The following HMCN2 variants were observed in gnomAD, a reference collection of about 807,000 sequenced individuals.
HMCN2 encodes hemicentin-2.
A neutral mutation model predicts 377.5 loss-of-function variants in HMCN2; 325 were observed. The ratio of observed to expected loss-of-function variants is 0.86; its 90% confidence interval spans 0.79 to 0.94. The LOEUF (loss-of-function observed/expected upper bound fraction) is 0.94, where lower values mean the gene tolerates loss of function less well. HMCN2 is among the 40% of genes least tolerant of loss of function. The pLI is 0.00. For synonymous variants in HMCN2, 2,007 were observed against 2,046.8 expected, an observed-to-expected ratio of 0.98 and a Z score of 0.53; for missense variants, 4,543 against 4,725.3, an observed-to-expected ratio of 0.96 and a Z score of 1.13.
intron 48 of HMCN2, 63 bp from the exon 49 acceptor site, chr9:130,374,439 G>A: frequency 1.2e-6 from 1 of 865,126 alleles, no homozygotes; most frequent in Non-Finnish European, 1.4e-6. Flanking sequence ...GGAGCAGCCT[G>A]TGACCCCTGG....
At position 130,306,940 on chromosome 9, in the gene HMCN2, T is replaced by G; in HGVS notation, c.2086+2T>G. On this transcript the variant is annotated splice_donor_variant, in intron 13 of 97. Coordinates refer to ENST00000683500, the MANE Select transcript of HMCN2 (RefSeq NM_001291815.2). LOFTEE classifies it high-confidence loss of function. ...AGACGGTCACCCTCTACTACACAGG[T>G]ACCCAGGCCACAAGCATCACCTTAC... 1 of 465,674 alleles carries G rather than the reference T, an allele frequency of 2.1e-6. No individual in the cohort carries two copies. Among genetic ancestry groups the G allele is most frequent in the Admixed American group, 2.4e-5 (1 of 42,198 alleles). 28.8% of individuals were successfully genotyped at this position (465,674 alleles called of 1,614,324 possible). A position where few individuals can be genotyped will look rare whatever the true frequency, so the allele number is the denominator to read the frequency against.
Position 130,355,864 on chromosome 9 carries a change from G to A in HMCN2, c.5255+10G>A, listed in dbSNP as rs1355247650. On this transcript the variant is annotated intron_variant, in intron 33 of 97. Coordinates refer to ENST00000683500, the MANE Select transcript of HMCN2 (RefSeq NM_001291815.2). ...CAGTACCCACTATCCAGTGAGTCTGGGGTGGTGGAGGCCAGGGCTGGGGGT... is the reference window on the plus strand; with the variant it reads ...CAGTACCCACTATCCAGTGAGTCTGAGGTGGTGGAGGCCAGGGCTGGGGGT... 7.8e-7 allele frequency: 1 copy of A among 1,282,652 alleles called. No individual in the cohort carries two copies. Among genetic ancestry groups the A allele is most frequent in the Non-Finnish European group, 1.0e-6 (1 of 970,022 alleles). The allele number at this position is 1,282,652 out of a possible 1,614,324, so 79.5% of individuals were successfully genotyped here. A position where few individuals can be genotyped will look rare whatever the true frequency, so the allele number is the denominator to read the frequency against.
At chr9:130,307,425 C>G (rs557909592) in intron 13 of HMCN2, 28 bp from the exon 14 acceptor site, 1 of 470,484 alleles carries the variant, frequency 2.1e-6, no homozygotes, top group South Asian at 1.5e-5. Context: ...AAGGTTGGTC[C>G]CAAATTCTGC....
At chr9:130,272,989 T>C (rs1834483742) in intron 1 of HMCN2, among the ~76,000 whole-genome samples, 1 of 152,236 alleles carries the variant, frequency 6.6e-6, no homozygotes, top group Non-Finnish European at 1.5e-5. Context: ...GGAATTGTGT[T>C]AAATCTTGAT....
chr9:130,387,155 G>A (rs1842066922), intron 61 of HMCN2, among the ~76,000 whole-genome samples: 2 of 152,238 alleles, frequency 1.3e-5, no homozygotes, highest in South Asian at 2.1e-4. Context: ...GATGCTGTTT[G>A]ATTGGACATG....
intron 85 of HMCN2, 75 bp downstream of exon 85, chr9:130,410,727 G>A: frequency 1.6e-6 from 2 of 1,213,686 alleles, no homozygotes. Flanking sequence ...CAGCCTAGAG[G>A]GCAGACGGCA....
rs1554918712 is a variant in HMCN2 at position 130,265,949 on chromosome 9, G to A, written c.71G>A (p.Gly24Glu). The A allele has an allele frequency of 2.2e-6, 1 of 448,138 alleles. No individual in the cohort carries two copies. Among genetic ancestry groups the A allele is most frequent in the Non-Finnish European group, 4.6e-6 (1 of 217,222 alleles). The allele number at this position is 448,138 out of a possible 1,614,324, so 27.8% of individuals were successfully genotyped here. A position where few individuals can be genotyped will look rare whatever the true frequency, so the allele number is the denominator to read the frequency against. The change falls in exon 1 of 98, where the codon GGG becomes GAG. Residue 24 changes from glycine to glutamate, a missense_variant. This residue lies in a region of HMCN2 where 547 missense variants were observed against 189.9 expected (regional missense o/e 2.88). Coordinates refer to ENST00000683500, the MANE Select transcript of HMCN2 (RefSeq NM_001291815.2). ...VSAAVAVAVA[G>E]APGTVMPPTT... ...GCGGCAGTGGCAGTGGCAGTGGCCGGGGCGCCCGGGACGGTAATGCCCCCC... is the reference window on the plus strand; with the variant it reads ...GCGGCAGTGGCAGTGGCAGTGGCCGAGGCGCCCGGGACGGTAATGCCCCCC...
intron 74 of HMCN2, among the ~76,000 whole-genome samples, chr9:130,398,153 CAAAAAAAAAA>C (rs397940740): frequency 5.9e-5 from 2 of 33,914 alleles, no homozygotes; most frequent in African/African-American, 1.1e-4. Context: ...ACTCCGTCTA[CAAAAAAAAAA>C]AAAAAAAAAA....
At chr9:130,379,206 C>A in intron 53 of HMCN2, 43 bp from the exon 54 acceptor site, 2 of 740,216 alleles carry the variant, frequency 2.7e-6, no homozygotes, top group Non-Finnish European at 3.3e-6. Flanking sequence ...GCATTCCCCA[C>A]CCCTCTGCTG....
Position 130,398,628 on chromosome 9 carries a change from AGCG to A in HMCN2, c.11407_11409del (p.Gly3803del). 7.8e-7 allele frequency: 1 copy of A among 1,288,884 alleles called. No homozygotes were observed. The highest frequency in any genetic ancestry group is 1.0e-6 in the Non-Finnish European group (1 of 988,174). The allele number at this position is 1,288,884 out of a possible 1,614,324, so 79.8% of individuals were successfully genotyped here. On this transcript the variant is annotated inframe_deletion, in exon 75 of 98. Transcript: ENST00000683500. Reference sequence around the variant, plus strand: ...CCCAGCCTTGCTGCCCTGCGAGGCCAGCGGCTCCCCTAAGCCCCTGGTGGTCTG... The same window carrying A: ...CCCAGCCTTGCTGCCCTGCGAGGCCAGCTCCCCTAAGCCCCTGGTGGTCTG...
chr9:130,341,525 C>T (rs1043705961), intron 24 of HMCN2, among the ~76,000 whole-genome samples, 160 bp downstream of exon 24: 1 of 152,214 alleles, frequency 6.6e-6, no homozygotes, highest in Admixed American at 6.5e-5. Context: ...TCCAGCCCCA[C>T]AGCTTTGGGG....
chr9:130,318,786 A>G (rs1364171346), intron 15 of HMCN2, among the ~76,000 whole-genome samples: 2 of 152,202 alleles, frequency 1.3e-5, no homozygotes, highest in African/African-American at 2.4e-5. Flanking sequence ...ACCCTAATGT[A>G]TAAGGTCACG....
chr9:130,266,866 C>T (rs2131196297), intron 1 of HMCN2, among the ~76,000 whole-genome samples: 1 of 152,338 alleles, frequency 6.6e-6, no homozygotes, highest in Non-Finnish European at 1.5e-5. Flanking sequence ...TCCCTGGGCG[C>T]TCCACTGTAG....
intron 15 of HMCN2, among the ~76,000 whole-genome samples, chr9:130,314,440 G>T (rs1243457081): frequency 1.3e-5 from 2 of 152,234 alleles, no homozygotes; most frequent in Non-Finnish European, 2.9e-5. Flanking sequence ...TCATGTCTTT[G>T]TGCCAGTGCA....
chr9:130,280,463 C>T (rs1234701701), intron 1 of HMCN2, among the ~76,000 whole-genome samples: 1 of 151,828 alleles, frequency 6.6e-6, no homozygotes, highest in African/African-American at 2.4e-5. Context: ...TGAGCCACCG[C>T]GCCTGGCCTG....
chr9:130,391,832 T>C, intron 65 of HMCN2, 103 bp from the exon 66 acceptor site: 1 of 722,300 alleles, frequency 1.4e-6, no homozygotes, highest in Non-Finnish European at 1.7e-6. Context: ...CTGTGGTTGC[T>C]GGCGGCAGAA....
At chr9:130,311,420 C>A (rs1837234489) in intron 15 of HMCN2, among the ~76,000 whole-genome samples, 1 of 152,172 alleles carries the variant, frequency 6.6e-6, no homozygotes, top group Non-Finnish European at 1.5e-5. Context: ...TTCATTCCTT[C>A]AACACAGGGT....
chr9:130,425,555 CCT>C lies in HMCN2; in HGVS notation c.13642-131_13642-130del, dbSNP rs1341016470. The C allele has an allele frequency of 4.3e-6, 3 of 691,874 alleles. No homozygotes were observed. In the Admixed American group the frequency reaches 7.2e-5, roughly 17 times the overall value. The allele number at this position is 691,874 out of a possible 1,614,324, so 42.9% of individuals were successfully genotyped here. A position where few individuals can be genotyped will look rare whatever the true frequency, so the allele number is the denominator to read the frequency against. On this transcript the variant is annotated intron_variant, in intron 89 of 97. Transcript: ENST00000683500. The stretch of plus-strand genomic sequence containing the variant: ...ATCTTCTCCCAAGCCTCCTCAAGCC[CCT>C]GAGTTGGGGTAAGGGTCTCAGGCTG...
At chr9:130,312,596 CTTTCTTTCT>C (rs1837325644) in intron 15 of HMCN2, among the ~76,000 whole-genome samples, 9 of 91,902 alleles carry the variant, frequency 9.8e-5, no homozygotes, top group African/African-American at 3.4e-4. Flanking sequence ...TTCTTTCTTT[CTTTCTTTCT>C]TTCTTTCTTT....
Sources: gnomAD v4.1 joint callset for allele counts (sites outside exome capture counted in the v4.1 genomes callset) on GRCh38, gnomAD v4.1.1 for gene constraint, gnomAD v4.1.1 regional missense constraint, MANE v1.5 for transcripts, NCBI Gene and HGNC (gene_info 2026-07-23, HGNC 2026-07-21) for gene names.